Variants in OSBPL6 observed in about 807,000 individuals in gnomAD.
The protein encoded by OSBPL6 is oxysterol binding protein like 6, also known as oxysterol-binding protein-related protein 6.
In OSBPL6, 49 loss-of-function variants were observed where a neutral mutation model predicts 125.8. The ratio of observed to expected loss-of-function variants is 0.39; its 90% CI spans 0.31 to 0.49. OSBPL6 has a LOEUF of 0.49. Among genes scored for constraint, OSBPL6 ranks in the 20% least tolerant of loss-of-function variants. The pLI is 0.88. For synonymous variants in OSBPL6, 394 were observed against 391.8 expected (o/e 1.01, Z -0.07); for missense variants, 986 against 1,135.4 (o/e 0.87, Z 1.89).
chr2:178,379,304 A>AAAG (rs1489982700), intron 15 of OSBPL6, among the ~76,000 whole-genome samples: 1 of 138,682 alleles, frequency 7.2e-6, no homozygotes, highest in Non-Finnish European at 1.6e-5. Flanking sequence ...AAGAAGAAAG[A>AAAG]AAGAAACAGG....
chr2:178,247,850 A>G (rs2091550284), intron 1 of OSBPL6, among the ~76,000 whole-genome samples: 1 of 152,036 alleles, frequency 6.6e-6, no homozygotes, highest in Non-Finnish European at 1.5e-5. Flanking sequence ...TATACCTCAC[A>G]GGTTTGTAGC....
chr2:178,194,411 G>C (rs1053777226), upstream of OSBPL6: 1 of 152,066 alleles, frequency 6.6e-6, no homozygotes, highest in South Asian at 2.1e-4. Flanking sequence ...CCGGGGGCGG[G>C]GAACCCGGAG....
At chr2:178,266,426 G>T (rs2154021502) in intron 1 of OSBPL6, among the ~76,000 whole-genome samples, 1 of 152,300 alleles carries the variant, frequency 6.6e-6, no homozygotes, top group Non-Finnish European at 1.5e-5. Context: ...TGTGGCATTT[G>T]GGATTCTGCC....
chr2:178,213,589 C>T (rs2089964515), intron 1 of OSBPL6, among the ~76,000 whole-genome samples: 1 of 152,110 alleles, frequency 6.6e-6, no homozygotes, highest in South Asian at 2.1e-4. Context: ...AATTTGCTTC[C>T]TGCCAAACTA....
intron 11 of OSBPL6, among the ~76,000 whole-genome samples, chr2:178,346,657 T>C (rs1559274704): frequency 6.6e-6 from 1 of 152,042 alleles, no homozygotes. Context: ...TGTAGGCAGC[T>C]CCCACTCCAA....
At chr2:178,254,026 T>A (rs936029031) in intron 1 of OSBPL6, among the ~76,000 whole-genome samples, 20 of 151,838 alleles carry the variant, frequency 1.3e-4, no homozygotes, top group African/African-American at 4.8e-4. Context: ...CTGCAGAGAG[T>A]CCCCACCAGC....
intron 1 of OSBPL6, among the ~76,000 whole-genome samples, chr2:178,201,958 C>T (rs944027563): frequency 5.3e-5 from 8 of 152,268 alleles, no homozygotes; most frequent in African/African-American, 1.4e-4. Context: ...ATAGAACTTT[C>T]GGGAATGGCA....
chr2:178,279,091 C>A (rs10166933), intron 1 of OSBPL6, among the ~76,000 whole-genome samples: 2,302 of 152,254 alleles, frequency 0.015, 65 homozygotes, highest in African/African-American at 0.052. Context: ...ATAGATAACT[C>A]TTCTGGTTGT....
At chr2:178,324,118 G>C in intron 3 of OSBPL6, 59 bp from the exon 4 acceptor site, 1 of 1,084,066 alleles carries the variant, frequency 9.2e-7, no homozygotes. Context: ...TCATCCCCAT[G>C]CACATTCACA....
intron 1 of OSBPL6, among the ~76,000 whole-genome samples, chr2:178,258,883 G>GT (rs1559171587): frequency 4.6e-5 from 7 of 151,460 alleles, no homozygotes; most frequent in South Asian, 2.1e-4. Context: ...GTAAACGTCT[G>GT]GTTTTTTTTA....
intron 1 of OSBPL6, chr2:178,230,438 A>T (rs2090768764): frequency 1.3e-5 from 2 of 152,230 alleles, no homozygotes; most frequent in Admixed American, 1.3e-4. Context: ...TCTGATCTTC[A>T]CTGGCATACT....
chr2:178,228,437 AGGCAGAAGAAT>A (rs2090668214), intron 1 of OSBPL6, among the ~76,000 whole-genome samples: 1 of 152,234 alleles, frequency 6.6e-6, no homozygotes, highest in Admixed American at 6.5e-5. Context: ...CGGGAGGCTG[AGGCAGAAGAAT>A]GGCGTGAAGC....
intron 1 of OSBPL6, among the ~76,000 whole-genome samples, chr2:178,278,484 C>T (rs1251922802): frequency 6.6e-6 from 1 of 152,148 alleles, no homozygotes; most frequent in Non-Finnish European, 1.5e-5. Context: ...GATATGAAAA[C>T]TCTGATATGT....
At position 178,324,358 on chromosome 2, in the gene OSBPL6, C is replaced by A. The variant is rs553456647; in HGVS notation, c.195+89C>A. The A allele has an allele frequency of 5.3e-5, 50 of 949,200 alleles. No homozygotes were observed. In the East Asian group the frequency reaches 1.2e-3, roughly 23 times the overall value. The allele number at this position is 949,200 out of a possible 1,614,324, so 58.8% of individuals were successfully genotyped here. Reference sequence around the variant, plus strand: ...GTGAATAACGTTTACACCTGACTCCCCTAAAATACTTGTGATGCCACTTGT... The same window carrying A: ...GTGAATAACGTTTACACCTGACTCCACTAAAATACTTGTGATGCCACTTGT... On this transcript the variant is annotated intron_variant, in intron 4 of 24. Coordinates refer to ENST00000190611, the MANE Select transcript of OSBPL6 (RefSeq NM_032523.4).
intron 12 of OSBPL6, among the ~76,000 whole-genome samples, chr2:178,349,692 C>A (rs750855195): frequency 5.9e-5 from 9 of 152,170 alleles, no homozygotes; most frequent in Non-Finnish European, 1.2e-4. Context: ...TCTCGGTTAT[C>A]ATTTAATACG....
intron 1 of OSBPL6, among the ~76,000 whole-genome samples, chr2:178,246,808 C>T (rs1194758622): frequency 6.6e-6 from 1 of 152,096 alleles, no homozygotes; most frequent in African/African-American, 2.4e-5. Flanking sequence ...CTAGAGTTAC[C>T]TTCCTCTCAA....
intron 1 of OSBPL6, among the ~76,000 whole-genome samples, chr2:178,210,769 C>G (rs1207539089): frequency 6.6e-6 from 1 of 151,514 alleles, no homozygotes; most frequent in Admixed American, 6.6e-5. Context: ...CCCAGATTGC[C>G]CCACTGCACT....
intron 1 of OSBPL6, among the ~76,000 whole-genome samples, chr2:178,276,643 G>A (rs550285723): frequency 3.9e-5 from 6 of 152,216 alleles, no homozygotes; most frequent in African/African-American, 1.4e-4. Flanking sequence ...AAAGTGCTGG[G>A]ATTACAGGCT....
chr2:178,294,055 A>G (rs974905547), intron 2 of OSBPL6, among the ~76,000 whole-genome samples: 2 of 152,198 alleles, frequency 1.3e-5, no homozygotes, highest in Non-Finnish European at 2.9e-5. Flanking sequence ...TTAGTCTTTA[A>G]AAAAATCCAT....
Sources: allele counts gnomAD v4.1 joint callset (sites outside exome capture counted in the v4.1 genomes callset), GRCh38; gene constraint gnomAD v4.1.1; transcripts MANE v1.5; gene names NCBI Gene and HGNC (gene_info 2026-07-23, HGNC 2026-07-21).